The following SLC22A2 variants were observed in gnomAD, a reference collection of about 807,000 sequenced individuals.
SLC22A2 encodes organic cation transporter 2.
Under a neutral mutation model 60.5 loss-of-function variants are expected in SLC22A2, and 46 were observed. That is an observed-to-expected ratio of 0.76 (90% CI 0.60 to 0.97). The LOEUF (loss-of-function observed/expected upper bound fraction) is 0.97. Ranked by LOEUF, SLC22A2 falls within the 50% of genes least tolerant of loss-of-function variation. The pLI is 0.00. For synonymous variants in SLC22A2, 303 were observed against 267.0 expected (o/e 1.13, Z -1.31); for missense variants, 701 against 706.6 (o/e 0.99, Z 0.09).
At chr6:160,242,234 G>A in intron 8 of SLC22A2, 60 bp downstream of exon 8, 1 of 917,304 alleles carries the variant, frequency 1.1e-6, no homozygotes, top group African/African-American at 1.6e-5. Context: ...ACTTGTGGTG[G>A]TTCCAGCCAA....
chr6:160,255,021 G>A (rs1431733178), intron 2 of SLC22A2, among the ~76,000 whole-genome samples: 1 of 152,228 alleles, frequency 6.6e-6, no homozygotes, highest in Non-Finnish European at 1.5e-5. Context: ...AGTGCAGAGA[G>A]AGTGAATGCC....
chr6:160,224,742 A>C lies in SLC22A2; in HGVS notation c.1564T>G (p.Leu522Val). The C allele has an allele frequency of 6.2e-7, 1 of 1,607,394 alleles. No individual in the cohort carries two copies. The highest frequency in any genetic ancestry group is 8.5e-7 in the Non-Finnish European group (1 of 1,176,192). The change falls in exon 10 of 11, where the codon TTG becomes GTG. Residue 522 changes from leucine to valine, a missense_variant. Leu to Val is a conservative substitution (Grantham distance 32). Transcript: ENST00000366953. ...TCGGCTTCCTCGATGGTCTCAGGCA[A>C]AGCTTTCCCTTTAGTTTCTGGAAGC... The part of the protein sequence containing the change: ...LLLPETKGKA[L>V]PETIEEAENM...
chr6:160,218,231 A>C (rs538330602), intron 10 of SLC22A2: 11 of 280,420 alleles, frequency 3.9e-5, no homozygotes, highest in Non-Finnish European at 6.3e-5. Context: ...GAATTCTCTA[A>C]AGCTCCAGAT....
chr6:160,220,588 A>G (rs1176340967), intron 10 of SLC22A2, among the ~76,000 whole-genome samples: 1 of 152,200 alleles, frequency 6.6e-6, no homozygotes, highest in Non-Finnish European at 1.5e-5. Context: ...AGGAATTACC[A>G]TCTACGGTAG....
chr6:160,229,486 T>A (rs1468202046), intron 9 of SLC22A2, among the ~76,000 whole-genome samples: 1 of 151,900 alleles, frequency 6.6e-6, no homozygotes, highest in Non-Finnish European at 1.5e-5. Flanking sequence ...CCCACATTCC[T>A]TGGTGGCAAG....
chr6:160,249,282 A>G lies in SLC22A2; in HGVS notation c.776T>C (p.Leu259Pro), dbSNP rs1266925949. Reference protein sequence around the residue: ...LLVLAGVAYALPHWRWLQFTV... With the variant: ...LLVLAGVAYAPPHWRWLQFTV... Reference sequence around the variant, plus strand: ...GAACTGCAACCACCTCCAGTGAGGAAGTGCGTAAGCCACCCCAGCTAGCAC... The same window carrying G: ...GAACTGCAACCACCTCCAGTGAGGAGGTGCGTAAGCCACCCCAGCTAGCAC... Residue 259 changes from leucine to proline, a missense_variant, in exon 4 of 11, where the codon CTT (leucine) becomes CCT (proline). Physicochemically the swap from Leu to Pro is moderately conservative, Grantham distance 98. Transcript: ENST00000366953. 6.2e-7 allele frequency: 1 copy of G among 1,612,840 alleles called. No individual in the cohort carries two copies. Among genetic ancestry groups the G allele is most frequent in the Non-Finnish European group, 8.5e-7 (1 of 1,178,924 alleles).
intron 2 of SLC22A2, among the ~76,000 whole-genome samples, chr6:160,252,725 C>T (rs1766090282): frequency 6.6e-6 from 1 of 152,188 alleles, no homozygotes; most frequent in Non-Finnish European, 1.5e-5. Flanking sequence ...ATTTTGGGCC[C>T]ACCCAGATCT....
intron 9 of SLC22A2, among the ~76,000 whole-genome samples, chr6:160,234,135 G>T (rs752758449): frequency 4.0e-5 from 6 of 151,740 alleles, no homozygotes; most frequent in Non-Finnish European, 8.8e-5. Flanking sequence ...CCCCGCCCCT[G>T]CCTGCCGAGA....
At chr6:160,247,127 T>C in intron 5 of SLC22A2, 57 bp downstream of exon 5, 3 of 1,034,964 alleles carry the variant, frequency 2.9e-6, no homozygotes, top group South Asian at 1.3e-5. Context: ...TGCATGAATC[T>C]TACCAGAGCC....
chr6:160,256,846 G>T, intron 1 of SLC22A2, 129 bp from the exon 2 acceptor site: 1 of 620,934 alleles, frequency 1.6e-6, no homozygotes. Flanking sequence ...TAGTTAAGTG[G>T]CAATAAGCCA....
At chr6:160,251,563 G>A (rs1436200605) in intron 2 of SLC22A2, among the ~76,000 whole-genome samples, 1 of 152,132 alleles carries the variant, frequency 6.6e-6, no homozygotes, top group African/African-American at 2.4e-5. Context: ...AGCTCAGAGA[G>A]TTGACCTGGG....
At chr6:160,240,781 T>G (rs1782985290) in intron 9 of SLC22A2, among the ~76,000 whole-genome samples, 1 of 152,126 alleles carries the variant, frequency 6.6e-6, no homozygotes, top group African/African-American at 2.4e-5. Context: ...CATATTCAAT[T>G]AAAAGCAGCT....
At chr6:160,233,719 G>A (rs563342482) in intron 9 of SLC22A2, among the ~76,000 whole-genome samples, 76 of 151,578 alleles carry the variant, frequency 5.0e-4, no homozygotes, top group South Asian at 8.3e-4. Flanking sequence ...TGACAAATGC[G>A]CCTTCTAACA....
At chr6:160,254,144 G>GGC (rs1354761447) in intron 2 of SLC22A2, among the ~76,000 whole-genome samples, 10 of 152,128 alleles carry the variant, frequency 6.6e-5, no homozygotes, top group African/African-American at 2.4e-4. Flanking sequence ...TGGGCATGGT[G>GGC]GTAGGCGCCT....
In SLC22A2 at chr6:160,241,626, C is replaced by T. The variant is rs369494007; in HGVS notation, c.1389-40G>A. On this transcript the variant is annotated intron_variant, in intron 8 of 10. Transcript: ENST00000366953. Reference sequence around the variant, plus strand: ...ACTGATTTAACTTGTTAACTTATCACAGTGCAGTAGTTATCTCCCATCCAC... The same window carrying T: ...ACTGATTTAACTTGTTAACTTATCATAGTGCAGTAGTTATCTCCCATCCAC... The T allele has an allele frequency of 1.7e-4, 221 of 1,303,056 alleles. No homozygotes were observed. The African/African-American group carries it at 2.9e-3, about 17-fold the overall frequency. The allele number at this position is 1,303,056 out of a possible 1,614,324, so 80.7% of individuals were successfully genotyped here.
intron 1 of SLC22A2, 61 bp downstream of exon 1, chr6:160,258,283 C>T: frequency 6.6e-7 from 1 of 1,526,586 alleles, no homozygotes; most frequent in South Asian, 1.3e-5. Flanking sequence ...TCCCTGCTTG[C>T]TTCCTTGAGA....
intron 1 of SLC22A2, among the ~76,000 whole-genome samples, 183 bp from the exon 2 acceptor site, chr6:160,256,900 CTCT>C (rs1473600132): frequency 2.0e-3 from 116 of 59,170 alleles, no homozygotes; most frequent in African/African-American, 5.2e-3. Flanking sequence ...CTCTCTCTCT[CTCT>C]TTTTTTTTTT....
chr6:160,254,014 A>G (rs545454357), intron 2 of SLC22A2, among the ~76,000 whole-genome samples: 1 of 152,358 alleles, frequency 6.6e-6, no homozygotes, highest in South Asian at 2.1e-4. Context: ...GCAGTGGCTC[A>G]TGCCTATAAT....
At chr6:160,224,093 C>A (rs905075114) in intron 10 of SLC22A2, among the ~76,000 whole-genome samples, 1 of 152,186 alleles carries the variant, frequency 6.6e-6, no homozygotes, top group African/African-American at 2.4e-5. Flanking sequence ...TTCCTACCAG[C>A]AACACGGGAG....
Sources: gnomAD v4.1 joint callset for allele counts (sites outside exome capture counted in the v4.1 genomes callset) on GRCh38, gnomAD v4.1.1 for gene constraint, MANE v1.5 for transcripts, NCBI Gene and HGNC (gene_info 2026-07-23, HGNC 2026-07-21) for gene names.